Variants in SPHKAP observed in about 807,000 individuals in gnomAD.
SPHKAP encodes A-kinase anchor protein SPHKAP.
In SPHKAP, 67 loss-of-function variants were observed where a neutral mutation model predicts 137.5. The observed-to-expected ratio is 0.49, with a 90% CI of 0.40 to 0.60. SPHKAP has a LOEUF of 0.60. Among genes scored for constraint, SPHKAP ranks in the 20% least tolerant of loss-of-function variants. The probability of loss-of-function intolerance (pLI) is 0.00; values close to 1 mark genes in which losing one functional copy is unlikely to be tolerated. For synonymous variants in SPHKAP, 813 were observed against 785.3 expected, an observed-to-expected ratio of 1.04 and a Z score of -0.59; for missense variants, 2,097 against 2,069.3, an observed-to-expected ratio of 1.01 and a Z score of -0.26.
chr2:228,075,375 A>G (rs1697146024), intron 3 of SPHKAP, among the ~76,000 whole-genome samples: 1 of 151,994 alleles, frequency 6.6e-6, no homozygotes, highest in African/African-American at 2.4e-5. Flanking sequence ...CAATAGGGAA[A>G]TGTATACTCT....
rs772954939 is a variant in SPHKAP, at chr2:227,994,081, C to T, written c.4635-461G>A. ...AGAAACCAGTGGACTCATGTTCTCC[C>T]TTTGACATTTGGGGGATTTTCTCAG... is the stretch of plus-strand genomic sequence containing the variant. On this transcript the variant is annotated intron_variant, in intron 8 of 11. Coordinates refer to ENST00000392056, the MANE Select transcript of SPHKAP (RefSeq NM_001142644.2). 9.1e-6 allele frequency: 9 copies of T among 985,262 alleles called. No homozygotes were observed. The Admixed American group carries it at 3.1e-4, about 34-fold the overall frequency. The allele number at this position is 985,262 out of a possible 1,614,324, so 61.0% of individuals were successfully genotyped here. A position where few individuals can be genotyped will look rare whatever the true frequency, so the allele number is the denominator to read the frequency against.
intron 3 of SPHKAP, among the ~76,000 whole-genome samples, chr2:228,057,543 AG>A (rs1177230540): frequency 6.6e-6 from 1 of 152,108 alleles, no homozygotes; most frequent in Non-Finnish European, 1.5e-5. Flanking sequence ...AGGAGAGGAG[AG>A]GAAAGTTTGA....
chr2:228,112,802 T>A (rs1015375595), intron 2 of SPHKAP, among the ~76,000 whole-genome samples: 1 of 152,162 alleles, frequency 6.6e-6, no homozygotes, highest in Non-Finnish European at 1.5e-5. Context: ...TTTTTGAACC[T>A]ATTTTAAAAA....
rs972050188 is a variant in SPHKAP, at chr2:228,042,304, G to A, written c.247-14761C>T. ...ACCACAACTATTTAATCAAAATCTC[G>A]GGTTGGGGCCTGAGGATATTTACTC... On this transcript the variant is annotated intron_variant, in intron 3 of 11. Transcript: ENST00000392056. Among the ~76,000 whole-genome samples the A allele has an allele frequency of 3.9e-5, 6 of 152,124 alleles. No homozygotes were observed. The South Asian group carries it at 1.0e-3, about 26-fold the overall frequency.
intron 3 of SPHKAP, among the ~76,000 whole-genome samples, chr2:228,069,084 T>A (rs1027336555): frequency 1.4e-4 from 22 of 152,078 alleles, no homozygotes; most frequent in African/African-American, 5.3e-4. Flanking sequence ...CTGGCTAACA[T>A]GGCAAAACCC....
intron 3 of SPHKAP, among the ~76,000 whole-genome samples, chr2:228,094,265 T>C (rs975759301): frequency 3.9e-5 from 6 of 152,202 alleles, no homozygotes; most frequent in African/African-American, 1.4e-4. Flanking sequence ...CTAGTGGATT[T>C]AAGCTTCAGG....
At chr2:228,180,407 G>C (rs1053897768) in intron 1 of SPHKAP, among the ~76,000 whole-genome samples, 1 of 149,746 alleles carries the variant, frequency 6.7e-6, no homozygotes, top group Non-Finnish European at 1.5e-5. Flanking sequence ...ACCGCATCTC[G>C]GCTCCTTGGC....
At chr2:228,126,725 A>G (rs1181671765) in intron 2 of SPHKAP, among the ~76,000 whole-genome samples, 2 of 152,096 alleles carry the variant, frequency 1.3e-5, no homozygotes, top group Non-Finnish European at 2.9e-5. Flanking sequence ...TACCAAAAAT[A>G]TATATTGAAG....
rs1056270569 is a variant in SPHKAP at position 228,063,780 on chromosome 2, T to C, written c.247-36237A>G. 2.0e-5 allele frequency among the ~76,000 whole-genome samples: 3 copies of C among 152,244 alleles called. No homozygotes were observed. In the East Asian group the frequency reaches 5.8e-4, roughly 29 times the overall value. The stretch of plus-strand genomic sequence containing the variant: ...GGTTGCAAAGATTACATTAATGATT[T>C]GACCACTTTAATTGCCAGTATGACT... On this transcript the variant is annotated intron_variant, in intron 3 of 11. Coordinates refer to ENST00000392056, the MANE Select transcript of SPHKAP (RefSeq NM_001142644.2).
intron 1 of SPHKAP, among the ~76,000 whole-genome samples, chr2:228,148,518 C>T (rs1013613612): frequency 1.3e-5 from 2 of 152,264 alleles, no homozygotes; most frequent in East Asian, 3.9e-4. Flanking sequence ...GTGCCCTAAA[C>T]AAGGACGCTT....
At chr2:228,101,728 A>C (rs1698188030) in intron 3 of SPHKAP, among the ~76,000 whole-genome samples, 1 of 152,208 alleles carries the variant, frequency 6.6e-6, no homozygotes, top group Non-Finnish European at 1.5e-5. Flanking sequence ...ATGGGGTTCA[A>C]ACCAGTGGTC....
At chr2:228,139,255 T>A (rs35653781) in intron 1 of SPHKAP, among the ~76,000 whole-genome samples, 5 of 152,132 alleles carry the variant, frequency 3.3e-5, no homozygotes, top group African/African-American at 1.2e-4. Context: ...TAAAACACTA[T>A]GTTGAATATT....
intron 3 of SPHKAP, among the ~76,000 whole-genome samples, chr2:228,028,827 T>G (rs560098200): frequency 2.0e-4 from 30 of 152,346 alleles, no homozygotes; most frequent in African/African-American, 7.2e-4. Flanking sequence ...AGTAAGTGAC[T>G]CATGCCTGTA....
intron 3 of SPHKAP, among the ~76,000 whole-genome samples, chr2:228,047,708 C>T (rs761967932): frequency 2.6e-5 from 4 of 152,112 alleles, no homozygotes; most frequent in Admixed American, 6.6e-5. Context: ...ATGAGATGAA[C>T]GAGATGGTCA....
intron 1 of SPHKAP, among the ~76,000 whole-genome samples, chr2:228,178,818 A>C (rs1267247421): frequency 6.6e-6 from 1 of 152,128 alleles, no homozygotes; most frequent in Non-Finnish European, 1.5e-5. Flanking sequence ...CTGTGACGCA[A>C]TCCACATAAT....
At chr2:228,037,344 T>C (rs559534346) in intron 3 of SPHKAP, among the ~76,000 whole-genome samples, 4 of 152,206 alleles carry the variant, frequency 2.6e-5, no homozygotes, top group Non-Finnish European at 5.9e-5. Context: ...TGTCTGATGA[T>C]TGGAAGAATT....
At chr2:228,065,002 C>A (rs1173417661) in intron 3 of SPHKAP, among the ~76,000 whole-genome samples, 3 of 152,200 alleles carry the variant, frequency 2.0e-5, no homozygotes, top group Non-Finnish European at 4.4e-5. Flanking sequence ...AAAGCACATT[C>A]ATTTATGGCT....
chr2:228,053,166 C>A (rs1330768627), intron 3 of SPHKAP, among the ~76,000 whole-genome samples: 1 of 152,126 alleles, frequency 6.6e-6, no homozygotes, highest in African/African-American at 2.4e-5. Flanking sequence ...TCTTATCTCT[C>A]TTCCCCCTGG....
intron 3 of SPHKAP, among the ~76,000 whole-genome samples, chr2:228,034,387 A>G (rs1695489366): frequency 6.6e-6 from 1 of 152,212 alleles, no homozygotes; most frequent in Admixed American, 6.5e-5. Flanking sequence ...GGCAATAATC[A>G]ATAGCTTACC....
Sources: gnomAD v4.1 joint callset for allele counts (sites outside exome capture counted in the v4.1 genomes callset) on GRCh38, gnomAD v4.1.1 for gene constraint, MANE v1.5 for transcripts, NCBI Gene and HGNC (gene_info 2026-07-23, HGNC 2026-07-21) for gene names.